The following CTNNA2 variants were observed in gnomAD, a reference collection of about 807,000 sequenced individuals.
The protein encoded by CTNNA2 is catenin alpha 2.
Under a neutral mutation model 101.0 loss-of-function variants are expected in CTNNA2, and 42 were observed. The observed-to-expected ratio is 0.42, with a 90% confidence interval of 0.32 to 0.54. The LOEUF (loss-of-function observed/expected upper bound fraction) is 0.54, where lower values mean the gene tolerates loss of function less well. Ranked by LOEUF, CTNNA2 falls within the 20% of genes least tolerant of loss-of-function variation. CTNNA2 has a pLI of 0.14. For synonymous variants in CTNNA2, 450 were observed against 456.4 expected (o/e 0.99, Z 0.18); for missense variants, 871 against 1,223.1 (o/e 0.71, Z 4.29).
At chr2:80,007,153 C>G (rs1008953866) in intron 7 of CTNNA2, among the ~76,000 whole-genome samples, 1 of 152,100 alleles carries the variant, frequency 6.6e-6, no homozygotes, top group Non-Finnish European at 1.5e-5. Context: ...ATTTAGCTCT[C>G]TAAGCCTCAG....
At chr2:80,275,984 T>A (rs1673872504) in intron 7 of CTNNA2, among the ~76,000 whole-genome samples, 1 of 152,146 alleles carries the variant, frequency 6.6e-6, no homozygotes, top group African/African-American at 2.4e-5. Context: ...AATGACATCC[T>A]TTGGGATGCT....
intron 3 of CTNNA2, among the ~76,000 whole-genome samples, chr2:79,849,186 A>G (rs1426406135): frequency 6.6e-6 from 1 of 152,140 alleles, no homozygotes; most frequent in Non-Finnish European, 1.5e-5. Flanking sequence ...CTAAAGAATG[A>G]TAAAGAGACC....
In CTNNA2 at chr2:80,027,462, G is replaced by C. The variant is rs113767737; in HGVS notation, c.1056+117665G>C. On this transcript the variant is annotated intron_variant, in intron 7 of 18. Transcript: ENST00000402739. Reference sequence around the variant, plus strand: ...TTCAACAGGGAAATGTTGACATCAGGCTTCATTTTTCAGAAGATCTGGCTT... The same window carrying C: ...TTCAACAGGGAAATGTTGACATCAGCCTTCATTTTTCAGAAGATCTGGCTT... Among the ~76,000 whole-genome samples the C allele has an allele frequency of 5.7e-4, 87 of 152,330 alleles. 1 individual carries two copies. The South Asian group carries it at 0.015, about 26-fold the overall frequency.
At chr2:79,543,216 G>A (rs187541138) in intron 1 of CTNNA2, among the ~76,000 whole-genome samples, 18 of 152,182 alleles carry the variant, frequency 1.2e-4, no homozygotes, top group African/African-American at 3.6e-4. Flanking sequence ...AAACATATTT[G>A]TGAAGTTTGG....
chr2:79,826,692 A>G lies in CTNNA2; in HGVS notation c.299-31321A>G, dbSNP rs150579604. Among the ~76,000 whole-genome samples, 100 of 152,336 alleles carry G rather than the reference A, an allele frequency of 6.6e-4. No individual in the cohort carries two copies. The East Asian group carries it at 0.016, about 24-fold the overall frequency. The stretch of plus-strand genomic sequence containing the variant: ...TGAGAAGTTTATTAGATAAATGCCA[A>G]TTTCTTCCATTACCTTCAACTTCCT... On this transcript the variant is annotated intron_variant, in intron 3 of 18. Transcript: ENST00000402739.
chr2:79,734,963 G>A (rs1670767259), intron 2 of CTNNA2, among the ~76,000 whole-genome samples: 1 of 152,252 alleles, frequency 6.6e-6, no homozygotes, highest in African/African-American at 2.4e-5. Flanking sequence ...TCCTCCCATT[G>A]AGGTAAGTGG....
chr2:79,560,138 G>A (rs547336559), intron 1 of CTNNA2, among the ~76,000 whole-genome samples: 1 of 151,594 alleles, frequency 6.6e-6, no homozygotes, highest in Non-Finnish European at 1.5e-5. Context: ...TGACAACTTG[G>A]AGCAAGTGGC....
intron 12 of CTNNA2, among the ~76,000 whole-genome samples, chr2:80,561,240 T>G (rs184426553): frequency 2.5e-4 from 38 of 152,242 alleles, no homozygotes; most frequent in African/African-American, 8.7e-4. Flanking sequence ...GGAAGGACTA[T>G]CCACAGTCTA....
intron 7 of CTNNA2, among the ~76,000 whole-genome samples, chr2:79,949,445 C>G (rs891974493): frequency 5.3e-5 from 8 of 152,120 alleles, no homozygotes; most frequent in Admixed American, 1.3e-4. Context: ...CAGATTTGTT[C>G]AGATTTCAAG....
At chr2:80,547,479 G>A (rs1692178210) in intron 11 of CTNNA2, among the ~76,000 whole-genome samples, 1 of 152,058 alleles carries the variant, frequency 6.6e-6, no homozygotes, top group East Asian at 1.9e-4. Context: ...AGATAGAAAG[G>A]AAATTTCCTT....
chr2:79,235,846 G>T (rs942002821), intron 2 of CTNNA2, among the ~76,000 whole-genome samples: 2 of 152,218 alleles, frequency 1.3e-5, no homozygotes, highest in Non-Finnish European at 2.9e-5. Flanking sequence ...AGCTCTAGCA[G>T]GTGTGACCCA....
intron 7 of CTNNA2, among the ~76,000 whole-genome samples, chr2:80,365,113 A>T (rs543593444): frequency 4.6e-5 from 7 of 152,134 alleles, no homozygotes; most frequent in Non-Finnish European, 1.0e-4. Context: ...TGTAATTGGA[A>T]ATGGCATCTA....
chr2:80,401,353 C>A (rs1052986231), intron 8 of CTNNA2, among the ~76,000 whole-genome samples: 1 of 152,132 alleles, frequency 6.6e-6, no homozygotes, highest in Non-Finnish European at 1.5e-5. Context: ...TCCATTGTCT[C>A]AAGGGCTAAA....
rs189564806 is a variant in CTNNA2 at position 79,764,288 on chromosome 2, C to G, written c.298+19706C>G. 2.6e-5 allele frequency among the ~76,000 whole-genome samples: 4 copies of G among 152,212 alleles called. No individual in the cohort carries two copies. In the East Asian group the frequency reaches 5.8e-4, roughly 22 times the overall value. On this transcript the variant is annotated intron_variant, in intron 3 of 18. Transcript: ENST00000402739. The stretch of plus-strand genomic sequence containing the variant: ...TTCTCTTCCAAATTTAAAGATAACT[C>G]AATAATTTGATTTTACTTATTTTAG...
At chr2:79,966,749 G>GT (rs2104554745) in intron 7 of CTNNA2, among the ~76,000 whole-genome samples, 1 of 152,256 alleles carries the variant, frequency 6.6e-6, no homozygotes, top group South Asian at 2.1e-4. Context: ...TCCAAATGTC[G>GT]TATCTTTTAC....
intron 1 of CTNNA2, among the ~76,000 whole-genome samples, chr2:79,549,392 C>T (rs1038676776): frequency 6.6e-6 from 1 of 152,158 alleles, no homozygotes; most frequent in African/African-American, 2.4e-5. Context: ...GTCCAATTAA[C>T]TTACAGTCAT....
intron 3 of CTNNA2, among the ~76,000 whole-genome samples, chr2:79,761,213 G>A (rs549462933): frequency 2.6e-5 from 4 of 152,116 alleles, no homozygotes; most frequent in Non-Finnish European, 5.9e-5. Context: ...TTTCGGCCAC[G>A]TCTATGTTTT....
intron 9 of CTNNA2, among the ~76,000 whole-genome samples, chr2:80,505,771 T>C (rs1167005612): frequency 6.6e-6 from 1 of 152,220 alleles, no homozygotes; most frequent in African/African-American, 2.4e-5. Flanking sequence ...ACTCACTTCC[T>C]TCCCCACAAA....
intron 7 of CTNNA2, among the ~76,000 whole-genome samples, chr2:80,200,043 T>A (rs1707104716): frequency 6.6e-6 from 1 of 152,156 alleles, no homozygotes; most frequent in Non-Finnish European, 1.5e-5. Flanking sequence ...TGGAGACATT[T>A]GAAACAACTC....
Sources: allele counts gnomAD v4.1 joint callset (sites outside exome capture counted in the v4.1 genomes callset), GRCh38; gene constraint gnomAD v4.1.1; transcripts MANE v1.5; gene names NCBI Gene and HGNC (gene_info 2026-07-23, HGNC 2026-07-21).